MCF2L2: variants seen among roughly 807,000 people sequenced by gnomAD.
MCF2L2 encodes the protein MCF.2 cell line derived transforming sequence-like 2.
Under a neutral mutation model 150.2 loss-of-function variants are expected in MCF2L2, and 102 were observed. The observed-to-expected ratio is 0.68, with a 90% CI of 0.58 to 0.80. MCF2L2 has a LOEUF of 0.80. Among genes scored for constraint, MCF2L2 ranks in the 30% least tolerant of loss-of-function variants. The probability of loss-of-function intolerance (pLI) is 0.00; values close to 1 mark genes in which losing one functional copy is unlikely to be tolerated. For missense variants in MCF2L2, 1,256 were observed against 1,372.8 expected (o/e 0.91, Z 1.34); for synonymous variants, 465 against 491.3 (o/e 0.95, Z 0.71).
At chr3:183,279,445 A>G (rs1378893258) in intron 14 of MCF2L2, among the ~76,000 whole-genome samples, 3 of 152,198 alleles carry the variant, frequency 2.0e-5, no homozygotes, top group Admixed American at 2.0e-4. Flanking sequence ...GGGATTCCTT[A>G]TGAGCTCCAT....
At chr3:183,228,539 A>G (rs1020522048) in intron 17 of MCF2L2, among the ~76,000 whole-genome samples, 173 bp from the exon 18 acceptor site, 2 of 152,176 alleles carry the variant, frequency 1.3e-5, no homozygotes, top group African/African-American at 2.4e-5. Context: ...ATTCTGAGGT[A>G]TTACTACAAT....
intron 3 of MCF2L2, among the ~76,000 whole-genome samples, chr3:183,345,469 A>G (rs997800460): frequency 1.3e-5 from 2 of 152,226 alleles, no homozygotes; most frequent in Non-Finnish European, 2.9e-5. Context: ...AGAAAGCAGG[A>G]AAGATCTAAA....
chr3:183,413,875 C>A (rs1005774172), intron 1 of MCF2L2, among the ~76,000 whole-genome samples: 5 of 152,136 alleles, frequency 3.3e-5, no homozygotes, highest in Admixed American at 3.3e-4. Context: ...GTTGTCTTCA[C>A]CTTAAGTGGG....
At chr3:183,320,098 T>TC (rs912033674) in intron 6 of MCF2L2, among the ~76,000 whole-genome samples, 10 of 151,154 alleles carry the variant, frequency 6.6e-5, no homozygotes, top group Non-Finnish European at 1.0e-4. Flanking sequence ...TCTTTTCTTT[T>TC]TTTTTTTTTT....
intron 7 of MCF2L2, among the ~76,000 whole-genome samples, chr3:183,314,013 A>G (rs762097383): frequency 2.6e-5 from 4 of 152,224 alleles, no homozygotes; most frequent in Non-Finnish European, 5.9e-5. Flanking sequence ...CGGGCAGCTG[A>G]GTCCTGTCTG....
At chr3:183,220,029 G>C in intron 20 of MCF2L2, 105 bp from the exon 21 acceptor site, 2 of 797,418 alleles carry the variant, frequency 2.5e-6, no homozygotes, top group Admixed American at 3.9e-5. Flanking sequence ...CCAATGCTAA[G>C]CTGACTGAGA....
chr3:183,425,626 G>A (rs188049046), intron 1 of MCF2L2, among the ~76,000 whole-genome samples: 1 of 152,158 alleles, frequency 6.6e-6, no homozygotes, highest in African/African-American at 2.4e-5. Flanking sequence ...CCCAGTAGGG[G>A]ATATGAAGAG....
At chr3:183,225,373 A>G (rs1372642654) in intron 18 of MCF2L2, 1 of 152,228 alleles carries the variant, frequency 6.6e-6, no homozygotes, top group Non-Finnish European at 1.5e-5. Flanking sequence ...GCTTAACAAT[A>G]TAGTATTGAC....
Position 183,266,790 on chromosome 3 carries a change from C to CTTTT in MCF2L2, c.1862+10078_1862+10081dup, listed in dbSNP as rs113393313. Among the ~76,000 whole-genome samples the CTTTT allele has an allele frequency of 1.2e-4, 17 of 143,728 alleles. 1 individual carries two copies. Among genetic ancestry groups the CTTTT allele is most frequent in the African/African-American group, 4.3e-4 (17 of 39,082 alleles). The allele number at this position is 143,728 out of a possible 152,430, so 94.3% of individuals were successfully genotyped here. Reference sequence around the variant, plus strand: ...CTGTTCCTTAGAGCAGTGTTTCAGTCTTTTTTTTTTTTTTGAGATGGAATC... The same window carrying CTTTT: ...CTGTTCCTTAGAGCAGTGTTTCAGTCTTTTTTTTTTTTTTTTTTGAGATGGAATC... On this transcript the variant is annotated intron_variant, in intron 15 of 29. Coordinates refer to ENST00000328913, the MANE Select transcript of MCF2L2 (RefSeq NM_015078.4).
At position 183,179,351 on chromosome 3, in the gene MCF2L2, G is replaced by A. The variant is rs1398499741; in HGVS notation, c.*29C>T. 5 of 1,417,176 alleles carry A rather than the reference G, an allele frequency of 3.5e-6. No homozygotes were observed. The highest frequency in any genetic ancestry group is 4.6e-6 in the Non-Finnish European group (5 of 1,087,836). The allele number at this position is 1,417,176 out of a possible 1,614,324, so 87.8% of individuals were successfully genotyped here. On this transcript the variant is annotated 3_prime_UTR_variant, in exon 30 of 30. Coordinates refer to ENST00000328913, the MANE Select transcript of MCF2L2 (RefSeq NM_015078.4). This position sits in a 1 kb window ranked among gnomAD's most constrained non-coding sequence, Gnocchi z 4.2. ...CTCCCGGGAATGCGGGCGCTCTGGA[G>A]CCGAGGAGCGGGGGCGTCCGCAGGG... is the stretch of plus-strand genomic sequence containing the variant.
chr3:183,387,048 G>C (rs778609881), intron 2 of MCF2L2, among the ~76,000 whole-genome samples: 12 of 152,160 alleles, frequency 7.9e-5, no homozygotes, highest in Non-Finnish European at 5.9e-5. Context: ...TTGAGCCCAG[G>C]AGTTCCAGAC....
At chr3:183,354,060 G>A (rs1006245614) in intron 3 of MCF2L2, among the ~76,000 whole-genome samples, 4 of 151,998 alleles carry the variant, frequency 2.6e-5, no homozygotes, top group African/African-American at 7.2e-5. Context: ...AACAGAAAGC[G>A]GGGTCAGACT....
chr3:183,268,724 G>A (rs545132491), intron 15 of MCF2L2, among the ~76,000 whole-genome samples: 12 of 152,152 alleles, frequency 7.9e-5, no homozygotes, highest in Non-Finnish European at 1.0e-4. Context: ...CGAGTTAAAC[G>A]GTCTTACCCC....
intron 13 of MCF2L2, among the ~76,000 whole-genome samples, chr3:183,292,077 ATG>A (rs531639856): frequency 0.021 from 3,040 of 146,770 alleles, 56 homozygotes; most frequent in East Asian, 0.063. Flanking sequence ...GTGAGAGTGT[ATG>A]TGTGTGGATG....
At chr3:183,407,874 T>A (rs559105571) in intron 1 of MCF2L2, among the ~76,000 whole-genome samples, 60 of 152,164 alleles carry the variant, frequency 3.9e-4, no homozygotes, top group Non-Finnish European at 7.5e-4. Flanking sequence ...GTCATTCTAG[T>A]CTAGGTCCTG....
At chr3:183,351,217 T>TAC (rs1731114551) in intron 3 of MCF2L2, among the ~76,000 whole-genome samples, 1 of 91,970 alleles carries the variant, frequency 1.1e-5, no homozygotes, top group Non-Finnish European at 2.0e-5. Flanking sequence ...TATATATATA[T>TAC]ATATATATAT....
chr3:183,324,766 G>C (rs886660700), intron 5 of MCF2L2, among the ~76,000 whole-genome samples: 1 of 151,694 alleles, frequency 6.6e-6, no homozygotes, highest in African/African-American at 2.4e-5. Context: ...AAGTCTATAG[G>C]CCAAAATTAT....
intron 3 of MCF2L2, among the ~76,000 whole-genome samples, chr3:183,371,452 G>A (rs1712871986): frequency 6.7e-6 from 1 of 148,428 alleles, no homozygotes; most frequent in African/African-American, 2.5e-5. Context: ...AGTCTTTTGA[G>A]TCTCTGAGAA....
At chr3:183,412,489 G>A (rs1412493570) in intron 1 of MCF2L2, among the ~76,000 whole-genome samples, 1 of 152,002 alleles carries the variant, frequency 6.6e-6, no homozygotes. Flanking sequence ...AGTAGAGGCG[G>A]GGTTTCACCA....
Sources: gnomAD v4.1 joint callset for allele counts (sites outside exome capture counted in the v4.1 genomes callset) on GRCh38, gnomAD v4.1.1 for gene constraint, Gnocchi (gnomAD v3.1) non-coding constraint, MANE v1.5 for transcripts, NCBI Gene and HGNC (gene_info 2026-07-23, HGNC 2026-07-21) for gene names.